Variants in PLXNA4 observed in about 807,000 individuals in gnomAD.
The protein encoded by PLXNA4 is plexin-A4.
PLXNA4 carries 44 observed loss-of-function variants against 191.8 expected under a neutral mutation model. The observed-to-expected ratio is 0.23, with a 90% CI of 0.18 to 0.29. The LOEUF is 0.29. Ranked by LOEUF, PLXNA4 falls within the 10% of genes least tolerant of loss-of-function variation. The pLI, the probability that PLXNA4 is intolerant of heterozygous loss-of-function variation, is 1.00. For missense variants in PLXNA4, 1,800 were observed against 2,488.8 expected, an observed-to-expected ratio of 0.72 and a Z score of 5.89; for synonymous variants, 1,082 against 1,009.5, an observed-to-expected ratio of 1.07 and a Z score of -1.36.
intron 4 of PLXNA4, among the ~76,000 whole-genome samples, chr7:132,285,707 C>T (rs1800658468): frequency 6.6e-6 from 1 of 152,238 alleles, no homozygotes; most frequent in Non-Finnish European, 1.5e-5. Flanking sequence ...TTGAAAACGT[C>T]CCATTGATAT....
intron 4 of PLXNA4, among the ~76,000 whole-genome samples, chr7:132,256,331 T>C (rs930109145): frequency 3.5e-4 from 53 of 152,212 alleles, no homozygotes; most frequent in African/African-American, 1.3e-3. Context: ...TACGTGGAAT[T>C]CATTTTCGAA....
At chr7:132,165,223 C>G in intron 22 of PLXNA4, 23 bp from the exon 23 acceptor site, 1 of 1,608,242 alleles carries the variant, frequency 6.2e-7, no homozygotes, top group Non-Finnish European at 8.5e-7. Context: ...ACCGAGGGAA[C>G]CAACGGAACA....
chr7:132,447,629 C>T (rs78478364), intron 3 of PLXNA4, among the ~76,000 whole-genome samples: 4,839 of 152,180 alleles, frequency 0.032, 237 homozygotes, highest in Admixed American at 0.14. Context: ...CCCCAGAGGT[C>T]ATCTAAGTCA....
At chr7:132,238,084 T>C (rs965173703) in intron 5 of PLXNA4, among the ~76,000 whole-genome samples, 9 of 152,164 alleles carry the variant, frequency 5.9e-5, no homozygotes, top group African/African-American at 2.2e-4. Context: ...TGTCTAGTGA[T>C]CCTGAGTGCA....
intron 5 of PLXNA4, among the ~76,000 whole-genome samples, chr7:132,228,906 G>C (rs772521123): frequency 6.6e-6 from 1 of 152,068 alleles, no homozygotes; most frequent in East Asian, 1.9e-4. Context: ...TTCTCCACCT[G>C]TCCAGTTCCT....
chr7:132,269,327 A>G (rs192053566), intron 4 of PLXNA4, among the ~76,000 whole-genome samples: 1 of 152,282 alleles, frequency 6.6e-6, no homozygotes, highest in East Asian at 1.9e-4. Context: ...GTTCACAGCA[A>G]ATTTGAGCAG....
rs1584928709 is a variant in PLXNA4 at position 132,271,347 on chromosome 7, C to G, written c.1503+26744G>C. 4 of 151,490 alleles carry G rather than the reference C, an allele frequency of 2.6e-5. No homozygotes were observed. In the East Asian group the frequency reaches 7.7e-4, roughly 29 times the overall value. 9.4% of individuals were successfully genotyped at this position (151,490 alleles called of 1,614,324 possible). A position where few individuals can be genotyped will look rare whatever the true frequency, so the allele number is the denominator to read the frequency against. On this transcript the variant is annotated intron_variant, in intron 4 of 31. Transcript: ENST00000321063. ...AGTTATTCATCTGGATGTCTAAAAA[C>G]CATGACCATCACAATAAAACCTTAC...
chr7:132,297,611 G>A (rs1230271239), intron 4 of PLXNA4, among the ~76,000 whole-genome samples: 1 of 152,094 alleles, frequency 6.6e-6, no homozygotes, highest in East Asian at 1.9e-4. Context: ...TTCAGGCCGT[G>A]CCCTACCCCA....
At chr7:132,555,342 T>C (rs1396534833) in intron 1 of PLXNA4, among the ~76,000 whole-genome samples, 6 of 152,150 alleles carry the variant, frequency 3.9e-5, no homozygotes, top group African/African-American at 1.4e-4. Flanking sequence ...CTTCTTCCCT[T>C]CCCATTTGCT....
At chr7:132,471,966 AG>A (rs1286382200) in intron 3 of PLXNA4, among the ~76,000 whole-genome samples, 18 of 152,336 alleles carry the variant, frequency 1.2e-4, no homozygotes, top group Admixed American at 1.0e-3. Flanking sequence ...ACACACCTGC[AG>A]CACCTCATAA....
intron 2 of PLXNA4, among the ~76,000 whole-genome samples, chr7:132,638,119 G>A (rs984589671): frequency 2.0e-5 from 3 of 152,144 alleles, no homozygotes; most frequent in Admixed American, 6.5e-5. Context: ...CTGCCACAAC[G>A]GAGCCTCCAC....
At chr7:132,391,734 C>T (rs978255812) in intron 3 of PLXNA4, among the ~76,000 whole-genome samples, 1 of 152,196 alleles carries the variant, frequency 6.6e-6, no homozygotes, top group Admixed American at 6.5e-5. Flanking sequence ...CTGCCGGGGT[C>T]CTCACTGTCC....
At chr7:132,538,977 A>G (rs1479572756) in intron 1 of PLXNA4, among the ~76,000 whole-genome samples, 1 of 152,248 alleles carries the variant, frequency 6.6e-6, no homozygotes, top group African/African-American at 2.4e-5. Context: ...TCCTGAATAC[A>G]GGTTTCAGAT....
chr7:132,257,194 G>C (rs992762754), intron 4 of PLXNA4, among the ~76,000 whole-genome samples: 10 of 152,238 alleles, frequency 6.6e-5, no homozygotes, highest in Non-Finnish European at 1.3e-4. Context: ...CCAGGTGGCT[G>C]TAACTCTCTC....
chr7:132,183,375 G>T (rs1337807326), intron 16 of PLXNA4, among the ~76,000 whole-genome samples: 1 of 152,118 alleles, frequency 6.6e-6, no homozygotes, highest in Non-Finnish European at 1.5e-5. Flanking sequence ...CACCATCACT[G>T]TTCACAAGTA....
intron 4 of PLXNA4, among the ~76,000 whole-genome samples, chr7:132,256,107 A>T (rs1294497837): frequency 6.6e-6 from 1 of 152,208 alleles, no homozygotes; most frequent in East Asian, 1.9e-4. Flanking sequence ...TTGGCACGGC[A>T]CGTCTGGAAG....
At chr7:132,619,950 A>G (rs1803229062) in intron 2 of PLXNA4, among the ~76,000 whole-genome samples, 2 of 152,102 alleles carry the variant, frequency 1.3e-5, no homozygotes, top group Non-Finnish European at 2.9e-5. Context: ...ACAGGCGCCC[A>G]CCACCATGCC....
Position 132,596,270 on chromosome 7 carries a change from A to G in PLXNA4, c.-87+49658T>C, listed in dbSNP as rs138983604. ...CTAGAAATGGCTGCCATCTTGACCT[A>G]CTAAACACTCTGAGTGTGGGCTGAG... On this transcript the variant is annotated intron_variant, in intron 2 of 4. Coordinates refer to the PLXNA4 transcript ENST00000378539. Among the ~76,000 whole-genome samples the G allele has an allele frequency of 5.7e-3, 865 of 152,296 alleles. 7 individuals are homozygous for G. The highest frequency in any genetic ancestry group is 0.041 in the Middle Eastern group (12 of 294).
chr7:132,409,860 C>A (rs1004975430), intron 3 of PLXNA4, among the ~76,000 whole-genome samples: 4 of 152,188 alleles, frequency 2.6e-5, no homozygotes, highest in African/African-American at 9.6e-5. Context: ...TCCGGGAGAT[C>A]CCCCAGTGAC....
Sources: allele counts gnomAD v4.1 joint callset (sites outside exome capture counted in the v4.1 genomes callset), GRCh38; gene constraint gnomAD v4.1.1; transcripts MANE v1.5; gene names NCBI Gene and HGNC (gene_info 2026-07-23, HGNC 2026-07-21).